Variants in PAPPA2 observed in about 807,000 individuals in gnomAD.
PAPPA2 encodes pappalysin-2.
PAPPA2 carries 86 observed loss-of-function variants against 176.4 expected under a neutral mutation model. The ratio of observed to expected loss-of-function variants is 0.49; its 90% CI spans 0.41 to 0.58. The LOEUF (loss-of-function observed/expected upper bound fraction) is 0.58. Among genes scored for constraint, PAPPA2 ranks in the 20% least tolerant of loss-of-function variants. The pLI, the probability that PAPPA2 is intolerant of heterozygous loss-of-function variation, is 0.00. For synonymous variants in PAPPA2, 809 were observed against 852.2 expected, an observed-to-expected ratio of 0.95 and a Z score of 0.88; for missense variants, 2,073 against 2,256.9, an observed-to-expected ratio of 0.92 and a Z score of 1.65.
intron 14 of PAPPA2, among the ~76,000 whole-genome samples, chr1:176,760,063 C>T (rs960106122): frequency 2.6e-5 from 4 of 152,066 alleles, no homozygotes; most frequent in Admixed American, 2.6e-4. Context: ...TTCTATTTTT[C>T]CTTTGTTCTG....
At chr1:176,659,936 T>C (rs1458351552) in intron 3 of PAPPA2, among the ~76,000 whole-genome samples, 2 of 152,114 alleles carry the variant, frequency 1.3e-5, no homozygotes, top group African/African-American at 4.8e-5. Context: ...TTTTTTCCTC[T>C]GGAGTTGCAC....
intron 1 of PAPPA2, among the ~76,000 whole-genome samples, chr1:176,499,645 G>A (rs1225048051): frequency 6.6e-6 from 1 of 152,100 alleles, no homozygotes; most frequent in Admixed American, 6.6e-5. Context: ...TGAACAGCTC[G>A]ATCTACCAGC....
At chr1:176,785,565 T>C (rs895283786) in intron 17 of PAPPA2, among the ~76,000 whole-genome samples, 32 of 152,282 alleles carry the variant, frequency 2.1e-4, no homozygotes, top group African/African-American at 7.7e-4. Context: ...GAATTGGGAC[T>C]CTCTGCCAAC....
At chr1:176,562,117 C>T (rs1298107809) in intron 2 of PAPPA2, among the ~76,000 whole-genome samples, 1 of 152,198 alleles carries the variant, frequency 6.6e-6, no homozygotes, top group Non-Finnish European at 1.5e-5. Flanking sequence ...GGGACAGAGT[C>T]AAACCATATC....
chr1:176,644,202 G>A (rs536573329), intron 3 of PAPPA2, among the ~76,000 whole-genome samples: 1 of 151,960 alleles, frequency 6.6e-6, no homozygotes, highest in African/African-American at 2.4e-5. Context: ...AAACTTAGCA[G>A]GGGAGAGGGT....
At chr1:176,498,751 CAAA>C (rs1553352050) in intron 1 of PAPPA2, among the ~76,000 whole-genome samples, 2 of 112,088 alleles carry the variant, frequency 1.8e-5, no homozygotes, top group Admixed American at 9.3e-5. Flanking sequence ...CTCTTACCTC[CAAA>C]AAAAAAAAAA....
In PAPPA2 at chr1:176,463,692, C is replaced by T. The variant is rs182391986; in HGVS notation, c.-917+274C>T. ...CTCATTTTTCTTTGATAAGTGACAA[C>T]CTTTGGCTGCCTGGTCTTCTTTTAG... is the stretch of plus-strand genomic sequence containing the variant. On this transcript the variant is annotated intron_variant, in intron 1 of 22. Transcript: ENST00000367662. 4.0e-3 allele frequency among the ~76,000 whole-genome samples: 609 copies of T among 152,278 alleles called. 2 individuals are homozygous for T. Among genetic ancestry groups the T allele is most frequent in the Non-Finnish European group, 4.9e-3 (330 of 68,036 alleles).
intron 4 of PAPPA2, among the ~76,000 whole-genome samples, chr1:176,679,888 T>G (rs1659497849): frequency 6.6e-6 from 1 of 152,150 alleles, no homozygotes. Flanking sequence ...GTAAAGCAAT[T>G]CCTATGGCCC....
Position 176,556,865 on chromosome 1 carries a change from C to A in PAPPA2, c.543C>A (p.Asn181Lys), listed in dbSNP as rs36123756. Residue 181 changes from asparagine to lysine, a missense_variant, in exon 2 of 23, where the codon AAC becomes AAA. Physicochemically the swap from Asn to Lys is moderately conservative, Grantham distance 94. Around this residue, in one of 4 missense-constraint regions of PAPPA2, gnomAD observed 1,196 missense variants for 1,330.4 expected, o/e 0.90. Coordinates refer to ENST00000367662, the MANE Select transcript of PAPPA2 (RefSeq NM_020318.3). ...TTTTAIFTTL[N>K]EPKPETQRRG... ...CCACCGCCATTTTCACAACCCTGAA[C>A]GAACCCAAACCAGAGACCCAAAGGA... 6 of 1,614,008 alleles carry A rather than the reference C, an allele frequency of 3.7e-6. No homozygotes were observed. The African/African-American group carries it at 6.7e-5, about 18-fold the overall frequency.
chr1:176,777,684 T>A (rs1453012960), intron 17 of PAPPA2, among the ~76,000 whole-genome samples: 1 of 152,146 alleles, frequency 6.6e-6, no homozygotes, highest in Non-Finnish European at 1.5e-5. Context: ...TGAACATCAT[T>A]ATTCTAATTT....
At chr1:176,706,919 G>A (rs993496873) in intron 10 of PAPPA2, among the ~76,000 whole-genome samples, 12 of 152,162 alleles carry the variant, frequency 7.9e-5, no homozygotes, top group Non-Finnish European at 1.6e-4. Context: ...GTGACTGTGT[G>A]TAATAGATTC....
At chr1:176,634,828 AG>A (rs1656577809) in intron 3 of PAPPA2, among the ~76,000 whole-genome samples, 2 of 143,138 alleles carry the variant, frequency 1.4e-5, no homozygotes, top group Non-Finnish European at 3.1e-5. Context: ...ATAGATAGAT[AG>A]ATAGATAGAT....
At chr1:176,631,893 G>T (rs991762867) in intron 3 of PAPPA2, among the ~76,000 whole-genome samples, 1 of 152,158 alleles carries the variant, frequency 6.6e-6, no homozygotes, top group African/African-American at 2.4e-5. Context: ...AGATTCAAGA[G>T]TAAGGGAGAG....
At chr1:176,729,425 C>T (rs1662028310) in intron 12 of PAPPA2, among the ~76,000 whole-genome samples, 1 of 151,970 alleles carries the variant, frequency 6.6e-6, no homozygotes, top group Non-Finnish European at 1.5e-5. Context: ...GGACATGTCC[C>T]CTCTCCCACT....
intron 12 of PAPPA2, among the ~76,000 whole-genome samples, chr1:176,717,897 T>C (rs1661448421): frequency 6.6e-6 from 1 of 152,212 alleles, no homozygotes; most frequent in African/African-American, 2.4e-5. Flanking sequence ...TTCATTAGAG[T>C]TTGGCCCTAA....
chr1:176,640,508 C>A (rs1412564554), intron 3 of PAPPA2, among the ~76,000 whole-genome samples: 1 of 151,840 alleles, frequency 6.6e-6, no homozygotes, highest in Non-Finnish European at 1.5e-5. Flanking sequence ...CATGTCCCTA[C>A]AAAGGACATG....
chr1:176,599,437 C>T (rs1217485694), intron 3 of PAPPA2, among the ~76,000 whole-genome samples: 1 of 150,748 alleles, frequency 6.6e-6, no homozygotes, highest in Non-Finnish European at 1.5e-5. Flanking sequence ...CCTGATACTC[C>T]TGGGGATGAA....
intron 17 of PAPPA2, among the ~76,000 whole-genome samples, chr1:176,788,548 T>G (rs1479210662): frequency 6.6e-6 from 1 of 152,182 alleles, no homozygotes; most frequent in Non-Finnish European, 1.5e-5. Context: ...ACCAGGAGTG[T>G]TTTTCATTAG....
intron 2 of PAPPA2, 93 bp from the exon 3 acceptor site, chr1:176,594,431 T>G: frequency 2.8e-6 from 3 of 1,072,382 alleles, no homozygotes; most frequent in Non-Finnish European, 4.0e-6. Context: ...AAAACCTGCA[T>G]TCTTGTTATT....
Sources: gnomAD v4.1 joint callset for allele counts (sites outside exome capture counted in the v4.1 genomes callset) on GRCh38, gnomAD v4.1.1 for gene constraint, gnomAD v4.1.1 regional missense constraint, MANE v1.5 for transcripts, NCBI Gene and HGNC (gene_info 2026-07-23, HGNC 2026-07-21) for gene names.